The following SYNE2 variants were observed in gnomAD, a reference collection of about 807,000 sequenced individuals.
The protein encoded by SYNE2 is spectrin repeat containing nuclear envelope protein 2.
Under a neutral mutation model 856.3 loss-of-function variants are expected in SYNE2, and 431 were observed. That is an observed-to-expected ratio of 0.50 (90% CI 0.47 to 0.55). SYNE2 has a LOEUF of 0.55. SYNE2 is among the 20% of genes least tolerant of loss of function. SYNE2 has a pLI of 0.00. For missense variants in SYNE2, 8,129 were observed against 8,023.2 expected (o/e 1.01, Z -0.50); for synonymous variants, 2,923 against 2,872.3 (o/e 1.02, Z -0.56).
rs2096729736 is a variant in SYNE2, at chr14:63,998,469, T to C, written c.3353+141T>C. On this transcript the variant is annotated intron_variant, in intron 26 of 115. Coordinates refer to ENST00000555002, the MANE Select transcript of SYNE2 (RefSeq NM_182914.3). ...GTAACTTAGAAATTCTATGGTATTT[T>C]CTCACACGCAGTTGACAGTAATTTT... 3 of 641,892 alleles carry C rather than the reference T, an allele frequency of 4.7e-6. No homozygotes were observed. The African/African-American group carries it at 5.5e-5, about 12-fold the overall frequency. 39.8% of individuals were successfully genotyped at this position (641,892 alleles called of 1,614,324 possible).
intron 79 of SYNE2, among the ~76,000 whole-genome samples, chr14:64,139,175 GT>G: frequency 6.6e-6 from 1 of 151,950 alleles, no homozygotes; most frequent in East Asian, 1.9e-4. Flanking sequence ...TAGAAATGGG[GT>G]TTTTCCATGT....
intron 1 of SYNE2, among the ~76,000 whole-genome samples, chr14:63,836,273 C>T (rs1287551255): frequency 1.3e-5 from 2 of 152,158 alleles, no homozygotes; most frequent in Non-Finnish European, 2.9e-5. Flanking sequence ...ATCTGCCCAT[C>T]TTGACTTCCC....
At chr14:64,001,848 T>C (rs1404581775) in intron 28 of SYNE2, 86 bp from the exon 29 acceptor site, 2 of 1,412,998 alleles carry the variant, frequency 1.4e-6, no homozygotes, top group East Asian at 4.6e-5. Flanking sequence ...TATTTTCTGT[T>C]CTTAGTTCAG....
chr14:64,047,781 C>G (rs563279976), intron 45 of SYNE2, among the ~76,000 whole-genome samples: 1 of 152,236 alleles, frequency 6.6e-6, no homozygotes, highest in East Asian at 1.9e-4. Flanking sequence ...TTGACCAATG[C>G]TATATCCTAT....
chr14:64,221,227 G>C (rs1367147081), intron 111 of SYNE2, among the ~76,000 whole-genome samples: 2 of 152,274 alleles, frequency 1.3e-5, no homozygotes, highest in Non-Finnish European at 2.9e-5. Context: ...ACCCCAGCCT[G>C]TCCTGTTGGG....
At chr14:64,135,758 A>G (rs2098082585) in intron 78 of SYNE2, among the ~76,000 whole-genome samples, 1 of 152,248 alleles carries the variant, frequency 6.6e-6, no homozygotes, top group South Asian at 2.1e-4. Context: ...TAAATTTGCC[A>G]GACTAAAGAA....
chr14:63,988,234 C>T (rs888778335), intron 19 of SYNE2, among the ~76,000 whole-genome samples: 5 of 152,156 alleles, frequency 3.3e-5, no homozygotes, highest in South Asian at 2.1e-4. Flanking sequence ...TGCGCCATCA[C>T]GCCCAGCTAA....
At chr14:64,056,980 TTC>T (rs1308169281) in intron 49 of SYNE2, among the ~76,000 whole-genome samples, 2 of 152,160 alleles carry the variant, frequency 1.3e-5, no homozygotes, top group African/African-American at 2.4e-5. Context: ...CTTCTGTTAT[TTC>T]TTTTTTTTAA....
chr14:63,775,568 G>A (rs1299510890), intron 1 of SYNE2, among the ~76,000 whole-genome samples: 1 of 152,022 alleles, frequency 6.6e-6, no homozygotes, highest in African/African-American at 2.4e-5. Context: ...GAGCCACTAT[G>A]CCAGACCTAT....
intron 1 of SYNE2, among the ~76,000 whole-genome samples, chr14:63,830,384 G>T (rs1889625400): frequency 6.6e-6 from 1 of 151,980 alleles, no homozygotes; most frequent in South Asian, 2.1e-4. Flanking sequence ...AAATGGGCCA[G>T]ACATGGTGGC....
intron 94 of SYNE2, among the ~76,000 whole-genome samples, chr14:64,173,747 C>T (rs994568598): frequency 3.9e-5 from 6 of 152,102 alleles, no homozygotes; most frequent in Non-Finnish European, 8.8e-5. Flanking sequence ...CACAGGCACT[C>T]ACCAGAATGC....
chr14:64,019,983 A>G lies in SYNE2; in HGVS notation c.5050-9A>G, dbSNP rs1222474457. The G allele has an allele frequency of 5.8e-6, 9 of 1,555,020 alleles. No individual in the cohort carries two copies. The highest frequency in any genetic ancestry group is 8.0e-6 in the Non-Finnish European group (9 of 1,126,454). On this transcript the variant is annotated splice_polypyrimidine_tract_variant and intron_variant, in intron 34 of 115. Transcript: ENST00000555002. The stretch of plus-strand genomic sequence containing the variant: ...AAAAGACACTATCCTTTAAAATTAC[A>G]TGTTTTAGGAAGAATTACAAGTCCA...
At chr14:63,898,518 C>T (rs1035116548) in intron 1 of SYNE2, among the ~76,000 whole-genome samples, 1 of 152,184 alleles carries the variant, frequency 6.6e-6, no homozygotes, top group Admixed American at 6.5e-5. Context: ...GATCCACCCG[C>T]CACAGCCACC....
intron 84 of SYNE2, among the ~76,000 whole-genome samples, chr14:64,148,877 T>C (rs768272525): frequency 3.3e-5 from 5 of 152,170 alleles, no homozygotes; most frequent in South Asian, 2.1e-4. Flanking sequence ...ATGCCTGTTA[T>C]ACCTGTCACT....
intron 65 of SYNE2, among the ~76,000 whole-genome samples, chr14:64,109,887 T>G (rs1282952719): frequency 3.3e-5 from 5 of 152,222 alleles, no homozygotes; most frequent in African/African-American, 4.8e-5. Flanking sequence ...AGAGGTTAAG[T>G]GTATTGACCA....
At position 64,053,358 on chromosome 14, in the gene SYNE2, T is replaced by C. The variant is rs750416229; in HGVS notation, c.9445T>C (p.Leu3149=). 2.7e-5 allele frequency: 43 copies of C among 1,613,310 alleles called. No individual in the cohort carries two copies. The highest frequency in any genetic ancestry group is 1.2e-4 in the South Asian group (11 of 90,726). Residue 3149 remains leucine (L), a synonymous_variant, in exon 48 of 116, where the codon TTG becomes CTG. Transcript: ENST00000555002. ...GGTATTAGAACTCTCACCAAAAGAA[T>C]TGGATGAAAAGAATTGTCAGGACAA... ...NMVLELSPKE[L]DEKNCQDKLE...
At chr14:64,087,636 T>G (rs772018304) in intron 57 of SYNE2, 35 bp from the exon 58 acceptor site, 1 of 1,604,412 alleles carries the variant, frequency 6.2e-7, no homozygotes, top group East Asian at 2.2e-5. Context: ...GATCTTGATG[T>G]TTCTCTCTAT....
intron 1 of SYNE2, among the ~76,000 whole-genome samples, chr14:63,818,320 T>C (rs1439038165): frequency 1.6e-4 from 20 of 122,492 alleles, no homozygotes; most frequent in Non-Finnish European, 3.0e-4. Context: ...GGTGACAGAG[T>C]GAGACTCTGT....
intron 84 of SYNE2, among the ~76,000 whole-genome samples, chr14:64,150,321 A>AAAAAAG (rs766798501): frequency 0.039 from 4,645 of 119,042 alleles, 360 homozygotes; most frequent in East Asian, 0.054. Context: ...AAAAAAAAAA[A>AAAAAAG]GGATCCTCCC....
Sources: allele counts gnomAD v4.1 joint callset (sites outside exome capture counted in the v4.1 genomes callset), GRCh38; gene constraint gnomAD v4.1.1; transcripts MANE v1.5; gene names NCBI Gene and HGNC (gene_info 2026-07-23, HGNC 2026-07-21).